The following PIK3CA variants were observed in gnomAD, a reference collection of about 807,000 sequenced individuals.
PIK3CA encodes the protein phosphatidylinositol 4,5-bisphosphate 3-kinase catalytic subunit alpha isoform.
Under a neutral mutation model 138.2 loss-of-function variants are expected in PIK3CA, and 27 were observed. That is an observed-to-expected ratio of 0.20 (90% CI 0.14 to 0.27). The LOEUF (loss-of-function observed/expected upper bound fraction) is 0.27, where lower values mean the gene tolerates loss of function less well. Among genes scored for constraint, PIK3CA ranks in the 10% least tolerant of loss-of-function variants. The pLI is 1.00. For missense variants in PIK3CA, 544 were observed against 1,277.4 expected (o/e 0.43, Z 8.75); for synonymous variants, 358 against 413.2 (o/e 0.87, Z 1.62).
At chr3:179,155,228 T>C (rs1278147882) in intron 1 of PIK3CA, among the ~76,000 whole-genome samples, 1 of 152,198 alleles carries the variant, frequency 6.6e-6, no homozygotes, top group Non-Finnish European at 1.5e-5. Flanking sequence ...GAGGAGACAA[T>C]GTTGTGTTTA....
chr3:179,163,637 T>C (rs1383053002), intron 1 of PIK3CA, among the ~76,000 whole-genome samples: 2 of 152,160 alleles, frequency 1.3e-5, no homozygotes, highest in African/African-American at 4.8e-5. Context: ...CTACAAATAC[T>C]TTCAAAAGCA....
At chr3:179,191,785 C>T (rs1166343682) in intron 1 of PIK3CA, among the ~76,000 whole-genome samples, 4 of 151,946 alleles carry the variant, frequency 2.6e-5, no homozygotes, top group African/African-American at 7.3e-5. Context: ...TACAGGCTCC[C>T]GCCACCAGGG....
chr3:179,234,325 T>C lies in PIK3CA; in HGVS notation c.3168T>C (p.Asp1056=), dbSNP rs1457735165. 1.9e-6 allele frequency: 3 copies of C among 1,613,128 alleles called. No individual in the cohort carries two copies. The highest frequency in any genetic ancestry group is 2.2e-5 in the East Asian group (1 of 44,832). Residue 1056 remains aspartate (D), a synonymous_variant, in exon 21 of 21, where the codon GAT becomes GAC. Transcript: ENST00000263967. The surrounding 1 kb of genome is among the most constrained non-coding windows in gnomAD (Gnocchi z 5.1). ...ATGGTGGCTGGACAACAAAAATGGA[T>C]TGGATCTTCCACACAATTAAACAGC... ...AHHGGWTTKM[D]WIFHTIKQHA... is the part of the protein sequence containing the mutation.
chr3:179,223,342 A>G (rs748332044), intron 14 of PIK3CA, among the ~76,000 whole-genome samples: 5 of 152,324 alleles, frequency 3.3e-5, no homozygotes, highest in Non-Finnish European at 7.4e-5. Flanking sequence ...GTTTCCTAAA[A>G]TAAAATCCCA....
chr3:179,186,740 G>C (rs981345690), intron 1 of PIK3CA, among the ~76,000 whole-genome samples: 4 of 152,198 alleles, frequency 2.6e-5, no homozygotes, highest in Non-Finnish European at 4.4e-5. Context: ...TTCTCTTAGA[G>C]TTCCACAGGA....
At chr3:179,161,408 C>G (rs937779787) in intron 1 of PIK3CA, among the ~76,000 whole-genome samples, 4 of 152,116 alleles carry the variant, frequency 2.6e-5, no homozygotes, top group Non-Finnish European at 5.9e-5. Context: ...ACATAAATAA[C>G]AGGAAGTGCT....
At chr3:179,149,859 T>C (rs966864445) in intron 1 of PIK3CA, 6 of 152,244 alleles carry the variant, frequency 3.9e-5, no homozygotes, top group Admixed American at 1.3e-4. Flanking sequence ...AAAATTTGTT[T>C]ATGTGCTGGA....
chr3:179,224,261 A>T, intron 15 of PIK3CA, 74 bp downstream of exon 15: 1 of 727,374 alleles, frequency 1.4e-6, no homozygotes, highest in South Asian at 1.8e-5. Context: ...AAAAGTAAAA[A>T]TGTCTGTTAT....
At chr3:179,196,737 A>G in intron 1 of PIK3CA, among the ~76,000 whole-genome samples, 1 of 152,196 alleles carries the variant, frequency 6.6e-6, no homozygotes, top group East Asian at 1.9e-4. Context: ...ATAAATGTCT[A>G]ATCAAATTAG....
chr3:179,183,607 G>A (rs1044330204), intron 1 of PIK3CA, among the ~76,000 whole-genome samples: 7 of 152,138 alleles, frequency 4.6e-5, no homozygotes, highest in Admixed American at 4.6e-4. Flanking sequence ...TACATTCTGT[G>A]CTTTATATCT....
rs1173713957 is a variant in PIK3CA, at chr3:179,239,195, G to T, written c.*4831G>T. ...CCTCATGTAGGTAAGTACAGAAAAGGTTTTTAAATGTATTTTTTTAGCCAG... is the reference window on the plus strand; with the variant it reads ...CCTCATGTAGGTAAGTACAGAAAAGTTTTTTAAATGTATTTTTTTAGCCAG... On this transcript the variant is annotated 3_prime_UTR_variant, in exon 21 of 21. Transcript: ENST00000263967. 8.2e-5 allele frequency: 17 copies of T among 206,362 alleles called. No individual in the cohort carries two copies. The East Asian group carries it at 1.2e-3, about 14-fold the overall frequency. 12.8% of individuals were successfully genotyped at this position (206,362 alleles called of 1,614,324 possible). A position where few individuals can be genotyped will look rare whatever the true frequency, so the allele number is the denominator to read the frequency against.
chr3:179,212,457 A>G (rs1724738543), intron 9 of PIK3CA, among the ~76,000 whole-genome samples: 2 of 151,506 alleles, frequency 1.3e-5, no homozygotes, highest in African/African-American at 4.8e-5. Flanking sequence ...AAAAATACCA[A>G]AATTAGCCAG....
intron 1 of PIK3CA, among the ~76,000 whole-genome samples, chr3:179,164,402 A>G (rs966225364): frequency 4.6e-5 from 7 of 152,212 alleles, no homozygotes; most frequent in Non-Finnish European, 7.3e-5. Flanking sequence ...AAGAAATATG[A>G]ATACACTTTC....
chr3:179,155,143 G>A (rs948890850), intron 1 of PIK3CA, among the ~76,000 whole-genome samples: 2 of 152,094 alleles, frequency 1.3e-5, no homozygotes, highest in Admixed American at 6.6e-5. Flanking sequence ...CTTAGTGGAC[G>A]AATATGTCTT....
chr3:179,191,406 T>G (rs924864740), intron 1 of PIK3CA, among the ~76,000 whole-genome samples: 1 of 152,222 alleles, frequency 6.6e-6, no homozygotes, highest in Non-Finnish European at 1.5e-5. Flanking sequence ...TACAAACTGT[T>G]GGTCATTCAG....
Position 179,224,178 on chromosome 3 carries a change from G to C in PIK3CA, c.2285G>C (p.Gly762Ala). The C allele has an allele frequency of 6.5e-7, 1 of 1,529,234 alleles. No homozygotes were observed. The highest frequency in any genetic ancestry group is 9.0e-7 in the Non-Finnish European group (1 of 1,112,796). The allele number at this position is 1,529,234 out of a possible 1,614,324, so 94.7% of individuals were successfully genotyped here. A position where few individuals can be genotyped will look rare whatever the true frequency, so the allele number is the denominator to read the frequency against. Reference sequence around the variant, plus strand: ...CCTCTAAACCCTGCTCATCAACTAGGAAACCTCAGGTACTTTCTTGGGGGT... The same window carrying C: ...CCTCTAAACCCTGCTCATCAACTAGCAAACCTCAGGTACTTTCTTGGGGGT... ...LSPLNPAHQL[G>A]NLRLEECRIM... The change falls in exon 15 of 21, where the codon GGA (glycine) becomes GCA (alanine). Residue 762 changes from glycine (G) to alanine (A), a missense_variant. Gly to Ala is a moderately conservative substitution (Grantham distance 60, BLOSUM62 0). This residue lies in a region of PIK3CA where 35 missense variants were observed against 49.4 expected (regional missense o/e 0.71). Transcript: ENST00000263967.
chr3:179,219,013 A>G lies in PIK3CA; in HGVS notation c.1665-183A>G, dbSNP rs1724905184. Among the ~76,000 whole-genome samples, 1 of 152,070 alleles carries G rather than the reference A, an allele frequency of 6.6e-6. No individual in the cohort carries two copies. The highest frequency in any genetic ancestry group is 1.5e-5 in the Non-Finnish European group (1 of 67,936). ...GTTCTTTGCCATTATAACTGTGCCT[A>G]AGTATATATGTAAATATATTTCCAA... is the stretch of plus-strand genomic sequence containing the variant. On this transcript the variant is annotated intron_variant, in intron 10 of 20. Coordinates refer to ENST00000263967, the MANE Select transcript of PIK3CA (RefSeq NM_006218.4). The surrounding 1 kb of genome is among the most constrained non-coding windows in gnomAD (Gnocchi z 4.2).
At chr3:179,171,333 GC>G (rs111450727) in intron 1 of PIK3CA, among the ~76,000 whole-genome samples, 7,697 of 152,186 alleles carry the variant, frequency 0.051, 255 homozygotes, top group Middle Eastern at 0.19. Flanking sequence ...AAATGCTTAT[GC>G]CAGAAAGGAA....
intron 2 of PIK3CA, among the ~76,000 whole-genome samples, chr3:179,199,487 A>G (rs1724353450): frequency 6.6e-6 from 1 of 151,974 alleles, no homozygotes; most frequent in Non-Finnish European, 1.5e-5. Flanking sequence ...ATTGCTGAAT[A>G]TATTATTTTT....
Sources: allele counts gnomAD v4.1 joint callset (sites outside exome capture counted in the v4.1 genomes callset), GRCh38; gene constraint gnomAD v4.1.1; regional missense constraint gnomAD v4.1.1; non-coding constraint Gnocchi (gnomAD v3.1); transcripts MANE v1.5; gene names NCBI Gene and HGNC (gene_info 2026-07-23, HGNC 2026-07-21).